AP1S3: variants seen among roughly 807,000 people sequenced by gnomAD.
AP1S3 encodes the protein adaptor related protein complex 1 subunit sigma 3.
AP1S3 carries 10 observed loss-of-function variants against 20.9 expected under a neutral mutation model. The ratio of observed to expected loss-of-function variants is 0.48; its 90% CI spans 0.29 to 0.81. AP1S3 has a LOEUF of 0.81. Among genes scored for constraint, AP1S3 ranks in the 30% least tolerant of loss-of-function variants. AP1S3 has a pLI of 0.08. For synonymous variants in AP1S3, 41 were observed against 61.5 expected (o/e 0.67, Z 1.56); for missense variants, 154 against 183.8 (o/e 0.84, Z 0.94).
chr2:223,757,880 G>T lies in AP1S3; in HGVS notation c.*835C>A, dbSNP rs1574679768. 1.0e-6 allele frequency: 1 copy of T among 984,402 alleles called. No homozygotes were observed. The highest frequency in any genetic ancestry group is 1.2e-6 in the Non-Finnish European group (1 of 829,142). 61.0% of individuals were successfully genotyped at this position (984,402 alleles called of 1,614,324 possible). A position where few individuals can be genotyped will look rare whatever the true frequency, so the allele number is the denominator to read the frequency against. On this transcript the variant is annotated 3_prime_UTR_variant, in exon 5 of 5. Transcript: ENST00000396654. ...CAGCATCTAAGAGTGCTTGGAACGTGAATTTTAAAAAATAGTAGCAATAAT... is the reference window on the plus strand; with the variant it reads ...CAGCATCTAAGAGTGCTTGGAACGTTAATTTTAAAAAATAGTAGCAATAAT...
chr2:223,782,036 G>A (rs1360977556), intron 1 of AP1S3, among the ~76,000 whole-genome samples: 3 of 139,738 alleles, frequency 2.1e-5, no homozygotes, highest in Non-Finnish European at 4.5e-5. Flanking sequence ...TTTTTAGACA[G>A]AGTCTCACTC....
intron 4 of AP1S3, among the ~76,000 whole-genome samples, chr2:223,761,706 T>G (rs1690359135): frequency 6.6e-6 from 1 of 151,516 alleles, no homozygotes; most frequent in Non-Finnish European, 1.5e-5. Context: ...GGATTACAGG[T>G]GCACACCACC....
intron 4 of AP1S3, among the ~76,000 whole-genome samples, chr2:223,761,553 T>TGTAC (rs1690354417): frequency 6.6e-6 from 1 of 152,008 alleles, no homozygotes; most frequent in Admixed American, 6.6e-5. Flanking sequence ...GCCTTCCGAG[T>TGTAC]AGCTGGAATT....
At chr2:223,817,621 A>AAAAAAAGAAAG (rs1553525097) in intron 1 of AP1S3, among the ~76,000 whole-genome samples, 2 of 148,520 alleles carry the variant, frequency 1.3e-5, no homozygotes, top group African/African-American at 5.0e-5. Context: ...AAAAAAAAAA[A>AAAAAAAGAAAG]AAAGAAAAGA....
chr2:223,825,897 AC>A (rs1692117010), intron 1 of AP1S3, among the ~76,000 whole-genome samples: 1 of 151,910 alleles, frequency 6.6e-6, no homozygotes, highest in African/African-American at 2.4e-5. Flanking sequence ...GGCACCTGTA[AC>A]CCCAGCTACT....
chr2:223,821,475 T>G (rs562526359), intron 1 of AP1S3, among the ~76,000 whole-genome samples: 1 of 152,290 alleles, frequency 6.6e-6, no homozygotes, highest in East Asian at 1.9e-4. Context: ...ACTTTTTATC[T>G]CTTAATAATG....
rs57119521 is a variant in AP1S3, at chr2:223,762,268, A to ATTTTTTTTTTTTTTTTTTTTTTTTT, written c.429+2944_429+2945insAAAAAAAAAAAAAAAAAAAAAAAAA. On this transcript the variant is annotated intron_variant, in intron 4 of 4. Transcript: ENST00000396654. ...TAGGCATGAGCCATTGTGCCCAGCA[A>ATTTTTTTTTTTTTTTTTTTTTTTTT]TTTTTTTTTTTTTTTTTTTTTTGAG... Among the ~76,000 whole-genome samples the ATTTTTTTTTTTTTTTTTTTTTTTTT allele has an allele frequency of 3.8e-5, 4 of 105,198 alleles. 2 individuals carry two copies. Among genetic ancestry groups the ATTTTTTTTTTTTTTTTTTTTTTTTT allele is most frequent in the African/African-American group, 7.4e-5 (2 of 27,072 alleles). The allele number at this position is 105,198 out of a possible 152,430, so 69.0% of individuals were successfully genotyped here. A position where few individuals can be genotyped will look rare whatever the true frequency, so the allele number is the denominator to read the frequency against.
chr2:223,760,810 T>C (rs1043625212), intron 4 of AP1S3, among the ~76,000 whole-genome samples: 1 of 152,262 alleles, frequency 6.6e-6, no homozygotes, highest in Admixed American at 6.5e-5. Context: ...AATTAATTGC[T>C]TGACACTCCT....
chr2:223,799,756 C>T (rs76213124), intron 1 of AP1S3, among the ~76,000 whole-genome samples: 1,928 of 152,264 alleles, frequency 0.013, 39 homozygotes, highest in African/African-American at 0.043. Context: ...AGGTACAACA[C>T]TTCTCATCCT....
chr2:223,836,941 C>A (rs568613859), intron 1 of AP1S3, among the ~76,000 whole-genome samples: 7 of 152,234 alleles, frequency 4.6e-5, no homozygotes, highest in African/African-American at 1.7e-4. Flanking sequence ...TCCAGGACCT[C>A]CAGCAGCTAG....
chr2:223,833,077 G>T (rs915247424), intron 1 of AP1S3, among the ~76,000 whole-genome samples: 3 of 151,812 alleles, frequency 2.0e-5, no homozygotes, highest in Non-Finnish European at 4.4e-5. Flanking sequence ...TCTTTCAATG[G>T]GTGGCTCTAC....
Position 223,757,945 on chromosome 2 carries a change from A to C in AP1S3, c.*770T>G. 6.2e-6 allele frequency: 6 copies of C among 969,110 alleles called. No homozygotes were observed. The South Asian group carries it at 2.4e-4, about 39-fold the overall frequency. The allele number at this position is 969,110 out of a possible 1,614,324, so 60.0% of individuals were successfully genotyped here. A position where few individuals can be genotyped will look rare whatever the true frequency, so the allele number is the denominator to read the frequency against. On this transcript the variant is annotated 3_prime_UTR_variant, in exon 5 of 5. Coordinates refer to ENST00000396654, the MANE Select transcript of AP1S3 (RefSeq NM_001039569.2). Reference sequence around the variant, plus strand: ...ATTCTTATCATACTATTTTAGAATAATAAAGGAAGTCATAGATGCTGTATC... The same window carrying C: ...ATTCTTATCATACTATTTTAGAATACTAAAGGAAGTCATAGATGCTGTATC...
intron 1 of AP1S3, among the ~76,000 whole-genome samples, chr2:223,806,532 C>A (rs1042569263): frequency 2.6e-5 from 4 of 152,114 alleles, no homozygotes; most frequent in African/African-American, 9.7e-5. Flanking sequence ...GATCTGCCCA[C>A]CTCAGCCTCC....
chr2:223,828,058 T>TAAAAAA (rs527671959), intron 1 of AP1S3, among the ~76,000 whole-genome samples: 120 of 94,470 alleles, frequency 1.3e-3, no homozygotes, highest in Non-Finnish European at 1.6e-3. Flanking sequence ...AGACTTCATC[T>TAAAAAA]AAAAAAAAAA....
intron 1 of AP1S3, among the ~76,000 whole-genome samples, chr2:223,821,738 TC>T (rs754745378): frequency 6.6e-6 from 1 of 152,152 alleles, no homozygotes; most frequent in African/African-American, 2.4e-5. Flanking sequence ...TGAGCCTGGC[TC>T]CTGGGCAACA....
At chr2:223,831,429 C>T (rs1285238599) in intron 1 of AP1S3, among the ~76,000 whole-genome samples, 7 of 152,162 alleles carry the variant, frequency 4.6e-5, no homozygotes, top group South Asian at 2.1e-4. Flanking sequence ...CCACCGTGCC[C>T]GGTCAAGAAA....
intron 3 of AP1S3, chr2:223,770,425 G>A: frequency 6.7e-7 from 1 of 1,495,586 alleles, no homozygotes; most frequent in Non-Finnish European, 8.9e-7. Context: ...GCAGCCATGG[G>A]GCAATTAATT....
intron 4 of AP1S3, among the ~76,000 whole-genome samples, chr2:223,763,711 C>T (rs568131139): frequency 3.3e-5 from 5 of 152,270 alleles, no homozygotes; most frequent in Admixed American, 6.5e-5. Flanking sequence ...AATAGGCACA[C>T]GCAGCTGCTT....
intron 4 of AP1S3, chr2:223,764,996 T>TG (rs1181072814): frequency 1.8e-6 from 1 of 544,008 alleles, no homozygotes; most frequent in Non-Finnish European, 3.0e-6. Context: ...TTTAACCTCT[T>TG]GGTGTCTCAG....
Sources: allele counts gnomAD v4.1 joint callset (sites outside exome capture counted in the v4.1 genomes callset), GRCh38; gene constraint gnomAD v4.1.1; transcripts MANE v1.5; gene names NCBI Gene and HGNC (gene_info 2026-07-23, HGNC 2026-07-21).